Variants in CDIN1 observed in about 807,000 individuals in gnomAD.
The protein encoded by CDIN1 is CDAN1-interacting nuclease 1.
In CDIN1, 33 loss-of-function variants were observed where a neutral mutation model predicts 45.3. The observed-to-expected ratio is 0.73, with a 90% CI of 0.55 to 0.97. The LOEUF (loss-of-function observed/expected upper bound fraction) is 0.97. Among genes scored for constraint, CDIN1 ranks in the 50% least tolerant of loss-of-function variants. CDIN1 has a pLI of 0.00. For synonymous variants in CDIN1, 118 were observed against 124.4 expected (o/e 0.95, Z 0.34); for missense variants, 303 against 339.4 (o/e 0.89, Z 0.84).
chr15:36,626,276 T>G (rs546831195), intron 1 of CDIN1, among the ~76,000 whole-genome samples: 1 of 151,920 alleles, frequency 6.6e-6, no homozygotes, highest in East Asian at 1.9e-4. Flanking sequence ...AGTAGATTCT[T>G]AAAATTCAAA....
chr15:36,637,583 G>A (rs1465836455), intron 1 of CDIN1, among the ~76,000 whole-genome samples: 1 of 152,138 alleles, frequency 6.6e-6, no homozygotes, highest in Non-Finnish European at 1.5e-5. Flanking sequence ...GTGGAGAGGT[G>A]CATGTCAGAT....
intron 5 of CDIN1, among the ~76,000 whole-genome samples, chr15:36,659,659 G>GAT (rs1207836989): frequency 4.7e-5 from 7 of 148,914 alleles, no homozygotes; most frequent in Non-Finnish European, 8.9e-5. Flanking sequence ...AATCATGACA[G>GAT]ATATTTGATG....
chr15:36,725,739 C>T (rs1291256947), intron 10 of CDIN1, among the ~76,000 whole-genome samples: 3 of 152,080 alleles, frequency 2.0e-5, no homozygotes, highest in African/African-American at 7.2e-5. Flanking sequence ...GGGGCTTTGA[C>T]TGGTTATCCA....
chr15:36,692,321 C>T lies in CDIN1; in HGVS notation c.476+146C>T, dbSNP rs573808327. On this transcript the variant is annotated intron_variant, in intron 7 of 10. Coordinates refer to ENST00000566621, the MANE Select transcript of CDIN1 (RefSeq NM_001321759.2). ...TTACATTCAATCAACTGGAGGGTCACTACAGACCATTCTTTTCTACAGCTT... is the reference window on the plus strand; with the variant it reads ...TTACATTCAATCAACTGGAGGGTCATTACAGACCATTCTTTTCTACAGCTT... The T allele has an allele frequency of 3.5e-5, 25 of 704,608 alleles. No individual in the cohort carries two copies. The South Asian group carries it at 4.8e-4, about 14-fold the overall frequency. The allele number at this position is 704,608 out of a possible 1,614,324, so 43.6% of individuals were successfully genotyped here. A position where few individuals can be genotyped will look rare whatever the true frequency, so the allele number is the denominator to read the frequency against.
At chr15:36,760,793 G>T (rs1199583928) in intron 10 of CDIN1, among the ~76,000 whole-genome samples, 1 of 152,076 alleles carries the variant, frequency 6.6e-6, no homozygotes, top group Non-Finnish European at 1.5e-5. Context: ...ATTTCTTTAG[G>T]ATAATATCCA....
intron 10 of CDIN1, among the ~76,000 whole-genome samples, chr15:36,751,745 C>T (rs1218901846): frequency 6.6e-6 from 1 of 152,024 alleles, no homozygotes; most frequent in African/African-American, 2.4e-5. Flanking sequence ...GTGGAATCAA[C>T]CCAAATGCCC....
rs1214134379 is a variant in CDIN1, at chr15:36,703,234, C to T, written c.544+5844C>T. Among the ~76,000 whole-genome samples, 228 of 44,914 alleles carry T rather than the reference C, an allele frequency of 5.1e-3. 22 individuals carry two copies. The highest frequency in any genetic ancestry group is 0.021 in the African/African-American group (180 of 8,468). 29.5% of individuals were successfully genotyped at this position (44,914 alleles called of 152,430 possible). A position where few individuals can be genotyped will look rare whatever the true frequency, so the allele number is the denominator to read the frequency against. On this transcript the variant is annotated intron_variant, in intron 8 of 10. Transcript: ENST00000566621. Reference sequence around the variant, plus strand: ...CCCTGTCTCAAATATATATATATATCAGATATATATATATCAGAAAGGGAT... The same window carrying T: ...CCCTGTCTCAAATATATATATATATTAGATATATATATATCAGAAAGGGAT...
intron 10 of CDIN1, among the ~76,000 whole-genome samples, chr15:36,721,579 G>T (rs945625485): frequency 1.3e-5 from 2 of 152,154 alleles, no homozygotes; most frequent in Non-Finnish European, 2.9e-5. Flanking sequence ...TTATGGCTCA[G>T]ACTGTGGTTA....
chr15:36,746,752 CTTTTTTT>C (rs760613983), intron 10 of CDIN1, among the ~76,000 whole-genome samples: 2 of 74,346 alleles, frequency 2.7e-5, no homozygotes, highest in Admixed American at 1.6e-4. Flanking sequence ...GGAAACGTGT[CTTTTTTT>C]TTTTTTTTTT....
chr15:36,623,972 T>A (rs2039312979), intron 1 of CDIN1, among the ~76,000 whole-genome samples: 1 of 152,128 alleles, frequency 6.6e-6, no homozygotes, highest in Admixed American at 6.6e-5. Context: ...ACACTACTAT[T>A]ATTATAGTGA....
intron 10 of CDIN1, among the ~76,000 whole-genome samples, chr15:36,735,621 TTTTAAAA>T: frequency 6.6e-6 from 1 of 152,174 alleles, no homozygotes; most frequent in African/African-American, 2.4e-5. Context: ...CTTATTGCAC[TTTTAAAA>T]TTTAAAGTTG....
At chr15:36,720,361 T>C (rs1469314045) in intron 10 of CDIN1, among the ~76,000 whole-genome samples, 1 of 151,900 alleles carries the variant, frequency 6.6e-6, no homozygotes, top group African/African-American at 2.4e-5. Context: ...ATGTGCCATG[T>C]TGGTGTGCTG....
chr15:36,580,954 T>C (rs899820520), intron 1 of CDIN1, among the ~76,000 whole-genome samples: 1 of 152,228 alleles, frequency 6.6e-6, no homozygotes, highest in Non-Finnish European at 1.5e-5. Flanking sequence ...AAAGTACAAA[T>C]TGAAGCATAA....
intron 10 of CDIN1, among the ~76,000 whole-genome samples, chr15:36,769,897 G>A (rs1271820712): frequency 1.3e-5 from 2 of 152,140 alleles, no homozygotes; most frequent in African/African-American, 4.8e-5. Context: ...TGATACAGCA[G>A]GGTACCCACC....
At chr15:36,738,229 C>T (rs1159295837) in intron 10 of CDIN1, among the ~76,000 whole-genome samples, 1 of 152,102 alleles carries the variant, frequency 6.6e-6, no homozygotes. Flanking sequence ...AACTTCAGGA[C>T]CCATATATCC....
At chr15:36,630,176 T>C (rs2140346604) in intron 1 of CDIN1, among the ~76,000 whole-genome samples, 1 of 152,330 alleles carries the variant, frequency 6.6e-6, no homozygotes, top group East Asian at 1.9e-4. Context: ...TTTAAAGGCC[T>C]AGAGGTCTTC....
chr15:36,656,064 T>C (rs1184273772), intron 4 of CDIN1, among the ~76,000 whole-genome samples: 3 of 152,182 alleles, frequency 2.0e-5, no homozygotes, highest in Non-Finnish European at 2.9e-5. Context: ...GGCTACAGAC[T>C]AGTACAGAAA....
chr15:36,804,657 A>G (rs2055164196), intron 10 of CDIN1: 1 of 141,996 alleles, frequency 7.0e-6, no homozygotes, highest in African/African-American at 2.6e-5. Context: ...CTAAAATGAA[A>G]TGAAACCAGA....
At position 36,709,250 on chromosome 15, in the gene CDIN1, A is replaced by G; in HGVS notation, c.572A>G (p.Tyr191Cys). The change falls in exon 9 of 11, where the codon TAT (tyrosine) becomes TGT (cysteine). Residue 191 changes from tyrosine to cysteine, a missense_variant. Transcript: ENST00000566621. ...LDEDQLRAKGYDKTPDFILQV... is the reference protein window; with the variant it reads ...LDEDQLRAKGCDKTPDFILQV... ...GAAGATCAGCTTCGTGCAAAGGGTTATGACAAAACACCAGACTTCATTTTA... is the reference window on the plus strand; with the variant it reads ...GAAGATCAGCTTCGTGCAAAGGGTTGTGACAAAACACCAGACTTCATTTTA... 2.5e-6 allele frequency: 4 copies of G among 1,603,892 alleles called. No individual in the cohort carries two copies. Among genetic ancestry groups the G allele is most frequent in the Non-Finnish European group, 3.4e-6 (4 of 1,174,638 alleles).
Sources: gnomAD v4.1 joint callset for allele counts (sites outside exome capture counted in the v4.1 genomes callset) on GRCh38, gnomAD v4.1.1 for gene constraint, MANE v1.5 for transcripts, NCBI Gene and HGNC (gene_info 2026-07-23, HGNC 2026-07-21) for gene names.